SLIT1: variants seen among roughly 807,000 people sequenced by gnomAD.
SLIT1 encodes the protein slit homolog 1 protein.
A neutral mutation model predicts 186.1 loss-of-function variants in SLIT1; 66 were observed. The observed-to-expected ratio is 0.35, with a 90% CI of 0.29 to 0.44. The LOEUF is 0.44. Among genes scored for constraint, SLIT1 ranks in the 20% least tolerant of loss-of-function variants. The pLI, the probability that SLIT1 is intolerant of heterozygous loss-of-function variation, is 1.00. For missense variants in SLIT1, 1,638 were observed against 2,037.4 expected (o/e 0.80, Z 3.77); for synonymous variants, 761 against 833.8 (o/e 0.91, Z 1.50).
chr10:97,001,517 A>T (rs1361859655), intron 36 of SLIT1, among the ~76,000 whole-genome samples, 167 bp from the exon 37 acceptor site: 4 of 152,104 alleles, frequency 2.6e-5, no homozygotes, highest in Non-Finnish European at 5.9e-5. Flanking sequence ...TCCCACTGAC[A>T]TGCACAAGCT....
At chr10:97,132,687 A>G (rs959240432) in intron 4 of SLIT1, among the ~76,000 whole-genome samples, 3 of 147,988 alleles carry the variant, frequency 2.0e-5, no homozygotes, top group Non-Finnish European at 4.4e-5. Flanking sequence ...GTATTCCCCC[A>G]CCTTTGGAGG....
Position 97,064,012 on chromosome 10 carries a change from C to T in SLIT1, c.629+156G>A, listed in dbSNP as rs530226267. Among the ~76,000 whole-genome samples, 7 of 152,254 alleles carry T rather than the reference C, an allele frequency of 4.6e-5. No homozygotes were observed. In the East Asian group the frequency reaches 1.2e-3, roughly 25 times the overall value. On this transcript the variant is annotated intron_variant, in intron 7 of 36. Coordinates refer to ENST00000266058, the MANE Select transcript of SLIT1 (RefSeq NM_003061.3). ...GCAACCGTATAACTCCTTCCGCCTC[C>T]GAGAGCATGAAGCCCCCAGCCTGGG...
intron 4 of SLIT1, among the ~76,000 whole-genome samples, chr10:97,098,258 G>A (rs1274701943): frequency 6.6e-6 from 1 of 152,212 alleles, no homozygotes; most frequent in Non-Finnish European, 1.5e-5. Flanking sequence ...CTCTCGCTAT[G>A]GGCCGGACAT....
chr10:97,059,622 G>A, intron 10 of SLIT1, 91 bp from the exon 11 acceptor site: 1 of 914,568 alleles, frequency 1.1e-6, no homozygotes, highest in South Asian at 1.3e-5. Flanking sequence ...GATGTCACAG[G>A]AGCAGGGTGG....
At chr10:97,163,604 T>C (rs2636772) in intron 2 of SLIT1, among the ~76,000 whole-genome samples, 153 bp from the exon 3 acceptor site, 151,014 of 152,388 alleles carry the variant, frequency 0.99, 74,847 homozygotes, top group East Asian at 1. Flanking sequence ...CACAGGCCTA[T>C]GCCTGGCCTG....
At chr10:97,160,474 C>A (rs141716309) in intron 3 of SLIT1, among the ~76,000 whole-genome samples, 1 of 152,148 alleles carries the variant, frequency 6.6e-6, no homozygotes, top group East Asian at 1.9e-4. Flanking sequence ...AATACTCCCC[C>A]AGATTGCTCC....
In SLIT1 at chr10:97,003,011, C is replaced by G. The variant is rs1589359361; in HGVS notation, c.3866-19G>C. On this transcript the variant is annotated intron_variant, in intron 34 of 36. Coordinates refer to ENST00000266058, the MANE Select transcript of SLIT1 (RefSeq NM_003061.3). ...GGCATCCCTGGGGTAGGGGAGGGAG[C>G]AGAGCTGGGCTGAGTAAAGCTCGGG... 6.2e-7 allele frequency: 1 copy of G among 1,603,206 alleles called. No homozygotes were observed.
intron 4 of SLIT1, among the ~76,000 whole-genome samples, chr10:97,083,333 C>T (rs1849124231): frequency 6.6e-6 from 1 of 152,194 alleles, no homozygotes; most frequent in African/African-American, 2.4e-5. Flanking sequence ...GCAGAACCCA[C>T]AAGCTAACCC....
intron 4 of SLIT1, among the ~76,000 whole-genome samples, chr10:97,129,995 T>G (rs1390944077): frequency 6.6e-6 from 1 of 151,716 alleles, no homozygotes; most frequent in African/African-American, 2.4e-5. Context: ...TCAAAGTGGG[T>G]GAAGGCAAAG....
intron 12 of SLIT1, among the ~76,000 whole-genome samples, chr10:97,056,911 C>T (rs550610044): frequency 6.6e-6 from 1 of 152,182 alleles, no homozygotes; most frequent in Non-Finnish European, 1.5e-5. Context: ...TGGGTGTCCC[C>T]CCTGCAGGAG....
intron 4 of SLIT1, among the ~76,000 whole-genome samples, chr10:97,090,232 A>G (rs1269842779): frequency 6.6e-6 from 1 of 152,142 alleles, no homozygotes; most frequent in African/African-American, 2.4e-5. Context: ...AGCAGGATGG[A>G]GAGGGAGTGG....
chr10:97,185,354 C>T, intron 1 of SLIT1, 124 bp downstream of exon 1: 1 of 922,534 alleles, frequency 1.1e-6, no homozygotes, highest in Non-Finnish European at 1.6e-6. Context: ...GGCACTGACC[C>T]GTCTGTGGGC....
intron 4 of SLIT1, among the ~76,000 whole-genome samples, chr10:97,091,761 A>T (rs1231049763): frequency 6.6e-6 from 1 of 152,250 alleles, no homozygotes; most frequent in Non-Finnish European, 1.5e-5. Flanking sequence ...TGAAGTGCAC[A>T]GAGCTCGTAG....
chr10:97,135,970 C>T (rs1849698965), intron 4 of SLIT1, among the ~76,000 whole-genome samples: 1 of 152,150 alleles, frequency 6.6e-6, no homozygotes, highest in Admixed American at 6.5e-5. Context: ...TGGGCTCCTG[C>T]ATTCCGGGGT....
Position 97,022,852 on chromosome 10 carries a change from T to A in SLIT1, c.2583-1439A>T, listed in dbSNP as rs887187783. The stretch of plus-strand genomic sequence containing the variant: ...TACACACGTGGTTCCTCCTTACAAA[T>A]CACATCACTACTGAGCAGCTTGCTC... On this transcript the variant is annotated intron_variant, in intron 25 of 36. Transcript: ENST00000266058. This position sits in a 1 kb window ranked among gnomAD's most constrained non-coding sequence, Gnocchi z 4.2. 7.2e-5 allele frequency among the ~76,000 whole-genome samples: 11 copies of A among 152,216 alleles called. No individual in the cohort carries two copies. The highest frequency in any genetic ancestry group is 6.5e-5 in the Admixed American group (1 of 15,284).
At chr10:97,127,782 T>G (rs1849617745) in intron 4 of SLIT1, among the ~76,000 whole-genome samples, 1 of 152,168 alleles carries the variant, frequency 6.6e-6, no homozygotes, top group African/African-American at 2.4e-5. Context: ...GGCTCCCAGC[T>G]CTGCTCCCAC....
At chr10:97,086,662 T>C (rs758278288) in intron 4 of SLIT1, among the ~76,000 whole-genome samples, 2 of 152,098 alleles carry the variant, frequency 1.3e-5, no homozygotes, top group African/African-American at 2.4e-5. Flanking sequence ...GAATGATATA[T>C]ACTGTATGAT....
chr10:97,050,771 A>G (rs1820845219), intron 13 of SLIT1, among the ~76,000 whole-genome samples: 1 of 152,134 alleles, frequency 6.6e-6, no homozygotes, highest in Admixed American at 6.5e-5. Flanking sequence ...AGTCAATCCA[A>G]TTGTGTTGTT....
At chr10:97,046,930 T>G in intron 17 of SLIT1, 61 bp downstream of exon 17, 1 of 1,556,070 alleles carries the variant, frequency 6.4e-7, no homozygotes, top group Non-Finnish European at 8.9e-7. Flanking sequence ...ACCCTGGCAT[T>G]TCCCTTGTCC....
Sources: allele counts gnomAD v4.1 joint callset (sites outside exome capture counted in the v4.1 genomes callset), GRCh38; gene constraint gnomAD v4.1.1; non-coding constraint Gnocchi (gnomAD v3.1); transcripts MANE v1.5; gene names NCBI Gene and HGNC (gene_info 2026-07-23, HGNC 2026-07-21).